SLC28A2: variants seen among roughly 807,000 people sequenced by gnomAD.
The protein encoded by SLC28A2 is sodium/nucleoside cotransporter 2.
A neutral mutation model predicts 72.9 loss-of-function variants in SLC28A2; 69 were observed. That is an observed-to-expected ratio of 0.95 (90% CI 0.78 to 1.16). The LOEUF (loss-of-function observed/expected upper bound fraction) is 1.16, where lower values mean the gene tolerates loss of function less well. SLC28A2 is among the 50% of genes most tolerant of loss of function. The pLI, the probability that SLC28A2 is intolerant of heterozygous loss-of-function variation, is 0.00. For missense variants in SLC28A2, 745 were observed against 791.1 expected, an observed-to-expected ratio of 0.94 and a Z score of 0.70; for synonymous variants, 296 against 294.1, an observed-to-expected ratio of 1.01 and a Z score of -0.07.
At position 45,263,522 on chromosome 15, in the gene SLC28A2, T is replaced by G. The variant is rs551800044; in HGVS notation, c.446+278T>G. On this transcript the variant is annotated intron_variant, in intron 5 of 17. Transcript: ENST00000347644. ...CCAGTGTCAGAAATGAGAAAAATCA[T>G]ACTCCTCTTCAGTGAAGTAATCAGA... Among the ~76,000 whole-genome samples, 171 of 152,320 alleles carry G rather than the reference T, an allele frequency of 1.1e-3. 1 individual carries two copies. Among genetic ancestry groups the G allele is most frequent in the Non-Finnish European group, 1.2e-3 (82 of 68,028 alleles).
chr15:45,263,045 C>A lies in SLC28A2; in HGVS notation c.263-16C>A. ...CACTGCCTTGCTGATCTTTACTCTG[C>A]TTCTTCTCTTTTTAGCCTATGCTGC... On this transcript the variant is annotated splice_polypyrimidine_tract_variant and intron_variant, in intron 4 of 17. Coordinates refer to ENST00000347644, the MANE Select transcript of SLC28A2 (RefSeq NM_004212.4). 6.2e-7 allele frequency: 1 copy of A among 1,605,284 alleles called. No homozygotes were observed. Among genetic ancestry groups the A allele is most frequent in the Non-Finnish European group, 8.5e-7 (1 of 1,176,020 alleles).
chr15:45,261,517 G>A (rs999168556), intron 3 of SLC28A2, among the ~76,000 whole-genome samples: 26 of 152,172 alleles, frequency 1.7e-4, no homozygotes, highest in African/African-American at 6.0e-4. Flanking sequence ...TACTTGCTGG[G>A]CCTCTTCTCT....
At position 45,268,241 on chromosome 15, in the gene SLC28A2, A is replaced by C. The variant is rs533988659; in HGVS notation, c.1231A>C (p.Asn411His). 2.5e-6 allele frequency: 4 copies of C among 1,609,474 alleles called. No homozygotes were observed. The East Asian group carries it at 6.7e-5, about 27-fold the overall frequency. ...KERNVLEAASNGAVDAIGLAT... is the reference protein window; with the variant it reads ...KERNVLEAASHGAVDAIGLAT... ...GAGGAATGTCCTGGAAGCTGCCAGC[A>C]ACGGAGCCGTAGATGCCATAGGCCT... The change falls in exon 13 of 18, where the codon AAC (asparagine) becomes CAC (histidine). Residue 411 changes from asparagine to histidine, a missense_variant. Physicochemically the swap from Asn to His is moderately conservative, Grantham distance 68 (BLOSUM62 1). Transcript: ENST00000347644.
At chr15:45,260,863 T>C (rs1900139728) in intron 3 of SLC28A2, among the ~76,000 whole-genome samples, 1 of 152,204 alleles carries the variant, frequency 6.6e-6, no homozygotes, top group African/African-American at 2.4e-5. Context: ...AAGCATTGTT[T>C]CCTCCTTTCT....
intron 7 of SLC28A2, 135 bp from the exon 8 acceptor site, chr15:45,264,954 C>T: frequency 9.0e-6 from 7 of 779,604 alleles, no homozygotes; most frequent in Non-Finnish European, 1.1e-5. Context: ...ACATAGCCTG[C>T]CCCTGGGCTG....
rs202109009 is a variant in SLC28A2 at position 45,263,158 on chromosome 15, C to G, written c.360C>G (p.His120Gln). 1.8e-5 allele frequency: 29 copies of G among 1,613,916 alleles called. No homozygotes were observed. The highest frequency in any genetic ancestry group is 6.8e-6 in the Non-Finnish European group (8 of 1,179,962). ...ITCLVIFVLV[H>Q]SFLKKLLGKK... ...GCTTGGTGATCTTTGTCCTGGTTCA[C>G]TCGTTTTTGAAAAAGCTCCTGGGCA... The change falls in exon 5 of 18, where the codon CAC (histidine) becomes CAG (glutamine). Residue 120 changes from histidine to glutamine, a missense_variant. Coordinates refer to ENST00000347644, the MANE Select transcript of SLC28A2 (RefSeq NM_004212.4).
rs1900412190 is a variant in SLC28A2 at position 45,268,299 on chromosome 15, TTTTGGCTGTG to T, written c.1292_1301del (p.Leu431TrpfsTer30). ...AATGTAGCAGCCAACCTGATTGCCTTTTTGGCTGTGTTGGCCTTCATCAATGCTGCCCTCT... is the reference window on the plus strand; with the variant it reads ...AATGTAGCAGCCAACCTGATTGCCTTTTGGCCTTCATCAATGCTGCCCTCT... On this transcript the variant is annotated frameshift_variant, in exon 13 of 18. Coordinates refer to ENST00000347644, the MANE Select transcript of SLC28A2 (RefSeq NM_004212.4). LOFTEE classifies it high-confidence loss of function. 1 of 1,612,668 alleles carries T rather than the reference TTTTGGCTGTG, an allele frequency of 6.2e-7. No individual in the cohort carries two copies. The highest frequency in any genetic ancestry group is 8.5e-7 in the Non-Finnish European group (1 of 1,178,894).
Position 45,263,918 on chromosome 15 carries a change from T to C in SLC28A2, c.484T>C (p.Trp162Arg). Residue 162 changes from tryptophan to arginine, a missense_variant, in exon 6 of 18, where the codon TGG becomes CGG. Transcript: ENST00000347644. ...AGVSLVGLIL[W>R]LALDTAQRPE... ...AGTCTCCTTGGTTGGCCTTATACTG[T>C]GGTTGGCTTTAGACACAGCCCAAAG... 2 of 1,613,486 alleles carry C rather than the reference T, an allele frequency of 1.2e-6. No homozygotes were observed. The highest frequency in any genetic ancestry group is 1.7e-6 in the Non-Finnish European group (2 of 1,179,702).
chr15:45,270,174 A>G (rs1386810208), intron 14 of SLC28A2, 21 bp from the exon 15 acceptor site: 20 of 1,572,282 alleles, frequency 1.3e-5, no homozygotes, highest in Non-Finnish European at 1.8e-5. Flanking sequence ...TTATTTGCTT[A>G]TTTATTTTTG....
At position 45,275,978 on chromosome 15, in the gene SLC28A2, C is replaced by T. The variant is rs1438605798; in HGVS notation, c.*465C>T. The T allele has an allele frequency of 2.6e-5, 4 of 151,458 alleles. No individual in the cohort carries two copies. Among genetic ancestry groups the T allele is most frequent in the African/African-American group, 9.7e-5 (4 of 41,230 alleles). 9.4% of individuals were successfully genotyped at this position (151,458 alleles called of 1,614,324 possible). A position where few individuals can be genotyped will look rare whatever the true frequency, so the allele number is the denominator to read the frequency against. ...AAAGATTCATTTTGGTTCGCTGTAT[C>T]CCAATAACGAAAAATAGCTTTTGTT... On this transcript the variant is annotated 3_prime_UTR_variant, in exon 18 of 18. Coordinates refer to ENST00000347644, the MANE Select transcript of SLC28A2 (RefSeq NM_004212.4).
chr15:45,259,466 C>T (rs573326912), intron 3 of SLC28A2, among the ~76,000 whole-genome samples: 6 of 152,130 alleles, frequency 3.9e-5, no homozygotes, highest in Non-Finnish European at 8.8e-5. Context: ...CCACTGCACC[C>T]AGCCAATTTT....
chr15:45,267,494 A>G lies in SLC28A2; in HGVS notation c.982A>G (p.Met328Val). The G allele has an allele frequency of 6.2e-7, 1 of 1,614,166 alleles. No individual in the cohort carries two copies. The highest frequency in any genetic ancestry group is 1.1e-5 in the South Asian group (1 of 91,088). The part of the protein sequence containing the change: ...PLLIRPYLGD[M>V]TLSEIHAVMT... ...GCTCATCCGTCCCTACCTTGGGGACATGACACTCTCTGAAATCCATGCGGT... is the reference window on the plus strand; with the variant it reads ...GCTCATCCGTCCCTACCTTGGGGACGTGACACTCTCTGAAATCCATGCGGT... The change falls in exon 11 of 18, where the codon ATG becomes GTG. Residue 328 changes from methionine (M) to valine (V), a missense_variant. By Grantham distance (21) the Met-to-Val change is conservative. Transcript: ENST00000347644.
chr15:45,272,547 T>C (rs1900608035), intron 16 of SLC28A2, 126 bp from the exon 17 acceptor site: 1 of 815,222 alleles, frequency 1.2e-6, no homozygotes, highest in African/African-American at 1.7e-5. Flanking sequence ...GATTTACCCA[T>C]GCATTCCACA....
At chr15:45,262,128 A>G (rs1412967036) in intron 4 of SLC28A2, 22 bp downstream of exon 4, 2 of 1,513,106 alleles carry the variant, frequency 1.3e-6, no homozygotes, top group South Asian at 2.3e-5. Context: ...AGAATTCATG[A>G]AAGTGAGAAA....
At position 45,267,654 on chromosome 15, in the gene SLC28A2, G is replaced by A; in HGVS notation, c.1069-12G>A. 5 of 1,614,100 alleles carry A rather than the reference G, an allele frequency of 3.1e-6. No individual in the cohort carries two copies. The highest frequency in any genetic ancestry group is 4.2e-6 in the Non-Finnish European group (5 of 1,180,020). The stretch of plus-strand genomic sequence containing the variant: ...GATAGAAACACTGATGCCTAAGTCT[G>A]GCGCCTCACAGGTTGATGCATCATC... On this transcript the variant is annotated splice_polypyrimidine_tract_variant and intron_variant, in intron 11 of 17. Transcript: ENST00000347644.
In SLC28A2 at chr15:45,266,085, C is replaced by T. The variant is rs775157706; in HGVS notation, c.866C>T (p.Ala289Val). The T allele has an allele frequency of 6.2e-6, 10 of 1,611,336 alleles. No individual in the cohort carries two copies. In the Admixed American group the frequency reaches 6.7e-5, roughly 11 times the overall value. ...GLVQWVVQKV[A>V]WFLQITMGTT... is the part of the protein sequence containing the mutation. ...TAGGTTTCTGTATTCTTCTAGGTCG[C>T]CTGGTTTTTACAAATCACTATGGGC... is the stretch of plus-strand genomic sequence containing the variant. Residue 289 changes from alanine (A) to valine (V), a missense_variant, in exon 10 of 18, where the codon GCC (alanine) becomes GTC (valine). By Grantham distance (64) the Ala-to-Val change is moderately conservative. Coordinates refer to ENST00000347644, the MANE Select transcript of SLC28A2 (RefSeq NM_004212.4).
chr15:45,263,293 C>A, intron 5 of SLC28A2, 49 bp downstream of exon 5: 1 of 1,559,968 alleles, frequency 6.4e-7, no homozygotes, highest in Non-Finnish European at 8.7e-7. Flanking sequence ...CCCAGCCCAC[C>A]TCCTTTTTTC....
At chr15:45,273,213 T>G (rs545184790) in intron 17 of SLC28A2, among the ~76,000 whole-genome samples, 1 of 152,234 alleles carries the variant, frequency 6.6e-6, no homozygotes, top group East Asian at 1.9e-4. Flanking sequence ...GGAATACAGG[T>G]AGGTTATACG....
intron 3 of SLC28A2, among the ~76,000 whole-genome samples, chr15:45,258,412 A>C (rs945107946): frequency 4.6e-5 from 7 of 152,128 alleles, no homozygotes; most frequent in African/African-American, 1.2e-4. Context: ...TCACAAAGTG[A>C]ATACAACCAT....
Sources: allele counts gnomAD v4.1 joint callset (sites outside exome capture counted in the v4.1 genomes callset), GRCh38; gene constraint gnomAD v4.1.1; transcripts MANE v1.5; gene names NCBI Gene and HGNC (gene_info 2026-07-23, HGNC 2026-07-21).